Variants in ALAS2 observed in about 807,000 individuals in gnomAD.
The protein encoded by ALAS2 is 5-aminolevulinate synthase, erythroid-specific, mitochondrial.
In ALAS2, 3 loss-of-function variants were observed where a neutral mutation model predicts 33.7. That is an observed-to-expected ratio of 0.09 (90% CI 0.04 to 0.23). ALAS2 has a LOEUF of 0.23. Among genes scored for constraint, ALAS2 ranks in the 10% least tolerant of loss-of-function variants. The pLI is 1.00. For synonymous variants in ALAS2, 191 were observed against 177.3 expected (o/e 1.08, Z -0.61); for missense variants, 304 against 475.1 (o/e 0.64, Z 3.35).
At chrX:55,019,819 C>T (rs973278443) in intron 6 of ALAS2, among the ~76,000 whole-genome samples, 1 of 111,384 alleles carries the variant, frequency 9.0e-6, no homozygotes, top group African/African-American at 3.3e-5. Flanking sequence ...GATATGCCTT[C>T]CATTGTAAAA....
In ALAS2 at chrX:55,015,666, A is replaced by G. The variant is rs138657159; in HGVS notation, c.1080T>C (p.His360=). The change falls in exon 8 of 11, where the codon CAT becomes CAC. Residue 360 remains histidine (H), a synonymous_variant. Transcript: ENST00000650242. ...YGALTFVDEV[H]AVGLYGSRGA... ...CCCGGGACCCATACAGTCCTACAGC[A>G]TGGACCTCATCCACGAAGGTCAGGG... is the stretch of plus-strand genomic sequence containing the variant. 6.0e-5 allele frequency: 72 copies of G among 1,208,965 alleles called. No individual in the cohort carries two copies. In the South Asian group the frequency reaches 6.2e-4, roughly 10 times the overall value.
At position 55,015,019 on chromosome X, in the gene ALAS2, G is replaced by T. The variant is rs771785963; in HGVS notation, c.1169-4C>A. 8.3e-6 allele frequency: 10 copies of T among 1,208,844 alleles called. No homozygotes were observed. The Admixed American group carries it at 2.2e-4, about 26-fold the overall frequency. ...CCCACACAGCCAAAGGCCTTGCCTG[G>T]AGACAGAAAGGAATAAGATATACAC... On this transcript the variant is annotated splice_region_variant and splice_polypyrimidine_tract_variant and intron_variant, in intron 8 of 10. Coordinates refer to ENST00000650242, the MANE Select transcript of ALAS2 (RefSeq NM_000032.5).
chrX:55,023,677 G>A, intron 4 of ALAS2, 80 bp downstream of exon 4: 4 of 841,488 alleles, frequency 4.8e-6, no homozygotes, highest in Non-Finnish European at 7.0e-6. Context: ...CTTCTGTACT[G>A]TTTCCCCTAC....
chrX:55,018,842 C>T (rs1232469505), intron 6 of ALAS2, among the ~76,000 whole-genome samples: 1 of 110,762 alleles, frequency 9.0e-6, no homozygotes, highest in Admixed American at 9.7e-5. Context: ...AATAGATTAT[C>T]GGAGGGCAAA....
chrX:55,030,873 A>C (rs1372318177), intron 1 of ALAS2, 69 bp downstream of exon 1: 1 of 318,499 alleles, frequency 3.1e-6, no homozygotes, highest in Admixed American at 3.5e-5. Context: ...CCAGAGAGTC[A>C]GTGTGTACAG....
intron 7 of ALAS2, 59 bp downstream of exon 7, chrX:55,017,427 G>C (rs1935721000): frequency 8.8e-6 from 9 of 1,017,515 alleles, no homozygotes; most frequent in South Asian, 1.9e-5. Context: ...TCATCATCAT[G>C]ATCATCATGG....
chrX:55,015,802 A>C, intron 7 of ALAS2, 60 bp from the exon 8 acceptor site: 1 of 1,165,557 alleles, frequency 8.6e-7, no homozygotes, highest in Non-Finnish European at 1.2e-6. Context: ...TCCATCTCCA[A>C]TGTGGAATTT....
chrX:55,019,166 T>TA (rs1236051673), intron 6 of ALAS2, among the ~76,000 whole-genome samples: 1 of 110,772 alleles, frequency 9.0e-6, no homozygotes, highest in Non-Finnish European at 1.9e-5. Context: ...TGTTTTTTTA[T>TA]AAGATACAAG....
intron 2 of ALAS2, 118 bp from the exon 3 acceptor site, chrX:55,024,958 AG>A: frequency 1.0e-6 from 1 of 972,589 alleles, no homozygotes; most frequent in Non-Finnish European, 1.5e-6. Flanking sequence ...GTAGAGACAC[AG>A]AGATAGATGA....
At position 55,013,365 on chromosome X, in the gene ALAS2, C is replaced by A; in HGVS notation, c.1600+121G>T. ...TTTGTGACCCTAGTATAGGTGCTGGCACACATTAGATGTTCCAGAAATATT... is the reference window on the plus strand; with the variant it reads ...TTTGTGACCCTAGTATAGGTGCTGGAACACATTAGATGTTCCAGAAATATT... On this transcript the variant is annotated intron_variant, in intron 10 of 10. Coordinates refer to ENST00000650242, the MANE Select transcript of ALAS2 (RefSeq NM_000032.5). 3.9e-6 allele frequency: 3 copies of A among 772,986 alleles called. No homozygotes were observed. The East Asian group carries it at 1.0e-4, about 27-fold the overall frequency. The allele number at this position is 772,986 out of a possible 1,213,427, so 63.7% of individuals were successfully genotyped here. A position where few individuals can be genotyped will look rare whatever the true frequency, so the allele number is the denominator to read the frequency against.
intron 8 of ALAS2, 135 bp downstream of exon 8, chrX:55,015,443 G>T: frequency 1.4e-6 from 1 of 720,657 alleles, no homozygotes; most frequent in Admixed American, 2.7e-5. Flanking sequence ...GAGAGAGGGA[G>T]TCCAGGATGG....
intron 8 of ALAS2, 136 bp from the exon 9 acceptor site, chrX:55,015,151 G>C (rs1023375529): frequency 1.4e-6 from 1 of 700,661 alleles, no homozygotes; most frequent in Non-Finnish European, 2.1e-6. Context: ...CTGCTCATCT[G>C]TCCATGACAA....
intron 1 of ALAS2, chrX:55,027,919 CT>C: frequency 1.5e-6 from 1 of 648,126 alleles, no homozygotes; most frequent in Non-Finnish European, 2.6e-6. Context: ...CAAGTTAAGC[CT>C]TTAGTATAGT....
At position 55,009,056 on chromosome X, in the gene ALAS2, G is replaced by A. The variant is rs145843014; in HGVS notation, c.*124C>T. On this transcript the variant is annotated 3_prime_UTR_variant, in exon 11 of 11. Transcript: ENST00000650242. ...CCCTGTCCAATAAAAGGCTTCACAT[G>A]CTGTGGTTTGTGCTTTATTTTTAGG... The A allele has an allele frequency of 3.9e-3, 3,574 of 905,640 alleles. 34 individuals are homozygous for A. The highest frequency in any genetic ancestry group is 2.5e-3 in the Non-Finnish European group (1,624 of 648,350). The allele number at this position is 905,640 out of a possible 1,213,427, so 74.6% of individuals were successfully genotyped here.
chrX:55,025,220 T>C (rs1047875863), intron 2 of ALAS2, among the ~76,000 whole-genome samples: 2 of 112,055 alleles, frequency 1.8e-5, no homozygotes, highest in Non-Finnish European at 3.8e-5. Context: ...GAGGGTAATC[T>C]GACAGGAGCA....
intron 2 of ALAS2, 111 bp downstream of exon 2, chrX:55,025,709 A>G: frequency 1.2e-6 from 1 of 812,528 alleles, no homozygotes; most frequent in Non-Finnish European, 1.9e-6. Context: ...TGCTATCTTG[A>G]CACTTTTCAC....
chrX:55,021,852 A>G (rs555552539), intron 4 of ALAS2, among the ~76,000 whole-genome samples: 1 of 112,242 alleles, frequency 8.9e-6, no homozygotes, highest in South Asian at 3.7e-4. Context: ...GCTAATATTC[A>G]ATTACATCAT....
Position 55,017,470 on chromosome X carries a change from T to C in ALAS2, c.1003+16A>G. The stretch of plus-strand genomic sequence containing the variant: ...GAGACCAACACTAGTAAACATACAC[T>C]CACTCATATACATACCATCCATGGA... On this transcript the variant is annotated intron_variant, in intron 7 of 10. Transcript: ENST00000650242. 8.4e-7 allele frequency: 1 copy of C among 1,195,309 alleles called. No individual in the cohort carries two copies. The highest frequency in any genetic ancestry group is 1.1e-6 in the Non-Finnish European group (1 of 880,740).
At chrX:55,019,541 G>T (rs753135672) in intron 6 of ALAS2, among the ~76,000 whole-genome samples, 1 of 111,260 alleles carries the variant, frequency 9.0e-6, no homozygotes, top group Non-Finnish European at 1.9e-5. Context: ...CATAAACTTC[G>T]AGAACTGACC....
Sources: allele counts gnomAD v4.1 joint callset (sites outside exome capture counted in the v4.1 genomes callset), GRCh38; gene constraint gnomAD v4.1.1; transcripts MANE v1.5; gene names NCBI Gene and HGNC (gene_info 2026-07-23, HGNC 2026-07-21).